Variants in TXNDC16 observed in about 807,000 individuals in gnomAD.
TXNDC16 encodes thioredoxin domain-containing protein 16.
TXNDC16 carries 74 observed loss-of-function variants against 85.6 expected under a neutral mutation model. The observed-to-expected ratio is 0.86, with a 90% CI of 0.72 to 1.05. The LOEUF is 1.05. TXNDC16 is among the 50% of genes least tolerant of loss of function. TXNDC16 has a pLI of 0.00. For missense variants in TXNDC16, 959 were observed against 947.0 expected (o/e 1.01, Z -0.17); for synonymous variants, 335 against 326.5 (o/e 1.03, Z -0.28).
At chr14:52,533,636 A>G (rs894702348) in intron 6 of TXNDC16, among the ~76,000 whole-genome samples, 3 of 152,250 alleles carry the variant, frequency 2.0e-5, no homozygotes, top group Admixed American at 2.0e-4. Flanking sequence ...AGTGCAAACA[A>G]GATGCAAAAA....
intron 16 of TXNDC16, among the ~76,000 whole-genome samples, chr14:52,467,632 C>T (rs981859203): frequency 6.6e-6 from 1 of 152,100 alleles, no homozygotes; most frequent in African/African-American, 2.4e-5. Context: ...CATTGGAACC[C>T]CTGTACACTG....
intron 1 of TXNDC16, among the ~76,000 whole-genome samples, chr14:52,545,288 C>T (rs1566591943): frequency 1.3e-5 from 2 of 152,116 alleles, no homozygotes; most frequent in Admixed American, 6.5e-5. Context: ...TGCTTAAATA[C>T]TTTCCCATAT....
chr14:52,481,683 T>C (rs1219981231), intron 14 of TXNDC16, among the ~76,000 whole-genome samples: 1 of 152,142 alleles, frequency 6.6e-6, no homozygotes, highest in Non-Finnish European at 1.5e-5. Flanking sequence ...GCTGAGATGG[T>C]AGCACAGATA....
Position 52,470,647 on chromosome 14 carries a change from C to G in TXNDC16, c.1346G>C (p.Cys449Ser). The change falls in exon 15 of 21, where the codon TGT becomes TCT. Residue 449 changes from cysteine to serine, a missense_variant. Physicochemically the swap from Cys to Ser is moderately radical, Grantham distance 112. Transcript: ENST00000281741. ...TSTMLLTRIN[C>S]ADWSDVCTKQ... Reference sequence around the variant, plus strand: ...AGTACATACATCAGACCAATCTGCACAGTTTATTCTAGTAAGAAGCATAGT... The same window carrying G: ...AGTACATACATCAGACCAATCTGCAGAGTTTATTCTAGTAAGAAGCATAGT... 6.2e-7 allele frequency: 1 copy of G among 1,612,182 alleles called. No individual in the cohort carries two copies. The highest frequency in any genetic ancestry group is 8.5e-7 in the Non-Finnish European group (1 of 1,179,176).
intron 14 of TXNDC16, among the ~76,000 whole-genome samples, chr14:52,477,701 T>C (rs2036050473): frequency 6.6e-6 from 1 of 152,108 alleles, no homozygotes; most frequent in Non-Finnish European, 1.5e-5. Context: ...ACCTATGAAA[T>C]GAGATAGACA....
chr14:52,470,688 A>C lies in TXNDC16; in HGVS notation c.1313-8T>G. The C allele has an allele frequency of 2.5e-6, 4 of 1,589,994 alleles. No individual in the cohort carries two copies. Among genetic ancestry groups the C allele is most frequent in the Non-Finnish European group, 2.6e-6 (3 of 1,170,372 alleles). ...GAAGCATAGTAGATGTGCCTAAATA[A>C]AAGGAAAATGCACATTTGTAATTAC... On this transcript the variant is annotated splice_polypyrimidine_tract_variant and splice_region_variant and intron_variant, in intron 14 of 20. Transcript: ENST00000281741.
intron 20 of TXNDC16, among the ~76,000 whole-genome samples, chr14:52,437,716 G>A (rs567477323): frequency 1.6e-3 from 250 of 152,132 alleles, no homozygotes; most frequent in Middle Eastern, 6.8e-3. Context: ...CTACTATGGG[G>A]AAAAAAACAA....
intron 18 of TXNDC16, among the ~76,000 whole-genome samples, chr14:52,452,136 T>A (rs1225576728): frequency 6.6e-6 from 1 of 152,034 alleles, no homozygotes; most frequent in African/African-American, 2.4e-5. Flanking sequence ...AAGTGAAAGA[T>A]CTCTACGATG....
At chr14:52,531,165 A>G (rs113289253) in intron 6 of TXNDC16, among the ~76,000 whole-genome samples, 172 of 152,278 alleles carry the variant, frequency 1.1e-3, no homozygotes, top group African/African-American at 4.0e-3. Flanking sequence ...AATATGGAAC[A>G]CTGACAACAC....
intron 6 of TXNDC16, among the ~76,000 whole-genome samples, chr14:52,534,479 T>C (rs562266955): frequency 7.6e-4 from 116 of 152,328 alleles, no homozygotes; most frequent in Non-Finnish European, 1.5e-3. Flanking sequence ...CTTCTTCCGA[T>C]GTGGCCCAGG....
chr14:52,437,186 T>C (rs910696268), intron 20 of TXNDC16, among the ~76,000 whole-genome samples: 1 of 152,172 alleles, frequency 6.6e-6, no homozygotes, highest in South Asian at 2.1e-4. Flanking sequence ...GCCAGGATAA[T>C]AGATTCTGGG....
At chr14:52,503,044 T>C (rs927662268) in intron 9 of TXNDC16, among the ~76,000 whole-genome samples, 2 of 152,178 alleles carry the variant, frequency 1.3e-5, no homozygotes, top group African/African-American at 4.8e-5. Context: ...GCGCCCGCCA[T>C]TGCCAAGGCT....
chr14:52,547,129 T>C (rs1474100347), intron 1 of TXNDC16, among the ~76,000 whole-genome samples: 1 of 152,088 alleles, frequency 6.6e-6, no homozygotes, highest in Non-Finnish European at 1.5e-5. Context: ...AGACTAGATG[T>C]TCAAAACTTA....
intron 6 of TXNDC16, among the ~76,000 whole-genome samples, chr14:52,519,995 A>G (rs2037172578): frequency 6.6e-6 from 1 of 152,190 alleles, no homozygotes; most frequent in South Asian, 2.1e-4. Context: ...CCCTTGAGGC[A>G]AGGATTTTGC....
intron 18 of TXNDC16, among the ~76,000 whole-genome samples, chr14:52,454,655 A>AAAG (rs1032237452): frequency 3.4e-5 from 5 of 148,778 alleles, no homozygotes; most frequent in African/African-American, 1.2e-4. Flanking sequence ...AATACAAAAA[A>AAAG]AAAAAAAAAA....
At position 52,432,134 on chromosome 14, in the gene TXNDC16, A is replaced by G. The variant is rs2034912392; in HGVS notation, c.*170T>C. 1.8e-6 allele frequency: 1 copy of G among 541,556 alleles called. No homozygotes were observed. Among genetic ancestry groups the G allele is most frequent in the Admixed American group, 4.1e-5 (1 of 24,654 alleles). 33.5% of individuals were successfully genotyped at this position (541,556 alleles called of 1,614,324 possible). On this transcript the variant is annotated 3_prime_UTR_variant, in exon 21 of 21. Coordinates refer to ENST00000281741, the MANE Select transcript of TXNDC16 (RefSeq NM_020784.3). ...AAATTATTTTGCCCTGCTCACTTTT[A>G]CTTTGTTTAATGTAGTTACTAGAAA...
chr14:52,487,943 T>C (rs1045517928), intron 12 of TXNDC16, among the ~76,000 whole-genome samples: 7 of 152,256 alleles, frequency 4.6e-5, no homozygotes, highest in Non-Finnish European at 1.0e-4. Context: ...ATTTACTTCT[T>C]ATACCATTAA....
rs1232260577 is a variant in TXNDC16 at position 52,431,553 on chromosome 14, G to C, written c.*751C>G. The C allele has an allele frequency of 6.6e-6, 1 of 152,170 alleles. No homozygotes were observed. Among genetic ancestry groups the C allele is most frequent in the African/African-American group, 2.4e-5 (1 of 41,428 alleles). The allele number at this position is 152,170 out of a possible 1,614,324, so 9.4% of individuals were successfully genotyped here. ...CCAGGAAATTCTGGAAACCTAGTCT[G>C]CCACAGGTTACTTTTAACACAAGGT... is the stretch of plus-strand genomic sequence containing the variant. On this transcript the variant is annotated 3_prime_UTR_variant, in exon 21 of 21. Coordinates refer to ENST00000281741, the MANE Select transcript of TXNDC16 (RefSeq NM_020784.3).
intron 8 of TXNDC16, among the ~76,000 whole-genome samples, chr14:52,512,945 G>C (rs978892587): frequency 6.6e-6 from 1 of 152,066 alleles, no homozygotes; most frequent in African/African-American, 2.4e-5. Flanking sequence ...TCCTGGGAGA[G>C]AGGATCTCTC....
Sources: gnomAD v4.1 joint callset for allele counts (sites outside exome capture counted in the v4.1 genomes callset) on GRCh38, gnomAD v4.1.1 for gene constraint, MANE v1.5 for transcripts, NCBI Gene and HGNC (gene_info 2026-07-23, HGNC 2026-07-21) for gene names.